RALYL: variants seen among roughly 807,000 people sequenced by gnomAD.
RALYL encodes RALY RNA binding protein like.
In RALYL, 29 loss-of-function variants were observed where a neutral mutation model predicts 35.1. The ratio of observed to expected loss-of-function variants is 0.83; its 90% confidence interval spans 0.61 to 1.13. The LOEUF (loss-of-function observed/expected upper bound fraction) is 1.13, where lower values mean the gene tolerates loss of function less well. Among genes scored for constraint, RALYL ranks in the 50% most tolerant of loss-of-function variants. The pLI is 0.00. For synonymous variants in RALYL, 120 were observed against 127.6 expected (o/e 0.94, Z 0.40); for missense variants, 359 against 360.4 (o/e 1.00, Z 0.03).
chr8:84,295,667 C>G (rs1436795812), intron 1 of RALYL, among the ~76,000 whole-genome samples: 1 of 151,982 alleles, frequency 6.6e-6, no homozygotes, highest in East Asian at 1.9e-4. Context: ...TCTCTTTTTA[C>G]TTGGACCATA....
intron 2 of RALYL, among the ~76,000 whole-genome samples, chr8:84,693,940 C>A (rs186500980): frequency 5.6e-4 from 85 of 151,778 alleles, no homozygotes; most frequent in Middle Eastern, 3.4e-3. Flanking sequence ...AAAAAGCTCT[C>A]AACAAATTAG....
At chr8:84,309,773 G>C (rs913541921) in intron 1 of RALYL, among the ~76,000 whole-genome samples, 1 of 152,140 alleles carries the variant, frequency 6.6e-6, no homozygotes, top group African/African-American at 2.4e-5. Flanking sequence ...AGAAATCTCA[G>C]AGCTAAGTGG....
chr8:84,829,884 T>C (rs1375319235), intron 4 of RALYL, among the ~76,000 whole-genome samples: 1 of 152,140 alleles, frequency 6.6e-6, no homozygotes, highest in Admixed American at 6.6e-5. Context: ...GTGTATGTTA[T>C]ATCAATATAT....
chr8:84,442,859 G>A (rs1438902028), intron 1 of RALYL, among the ~76,000 whole-genome samples: 1 of 152,070 alleles, frequency 6.6e-6, no homozygotes, highest in Non-Finnish European at 1.5e-5. Context: ...TGTTGGTCAA[G>A]GGTAAAATAT....
chr8:84,523,672 C>G (rs1324079431), intron 1 of RALYL, among the ~76,000 whole-genome samples: 1 of 120,088 alleles, frequency 8.3e-6, no homozygotes, highest in African/African-American at 3.1e-5. Context: ...CCCCTCCCCC[C>G]ACCCCACCAC....
chr8:84,200,930 G>A (rs1167459650), intron 1 of RALYL, among the ~76,000 whole-genome samples: 1 of 152,052 alleles, frequency 6.6e-6, no homozygotes, highest in Non-Finnish European at 1.5e-5. Flanking sequence ...GAATGTTTTA[G>A]TGTAGTTATC....
chr8:84,907,024 G>C (rs961473919), intron 8 of RALYL: 3 of 959,456 alleles, frequency 3.1e-6, no homozygotes, highest in Non-Finnish European at 3.7e-6. Flanking sequence ...AAGCTGGTAA[G>C]AATTCTTTTC....
intron 2 of RALYL, among the ~76,000 whole-genome samples, chr8:84,552,649 G>C (rs1321633492): frequency 6.6e-6 from 1 of 151,404 alleles, no homozygotes; most frequent in Non-Finnish European, 1.5e-5. Flanking sequence ...TAGACTCCTT[G>C]CTGTTGATCT....
At chr8:84,236,565 T>A (rs1294645672) in intron 1 of RALYL, among the ~76,000 whole-genome samples, 2 of 152,132 alleles carry the variant, frequency 1.3e-5, no homozygotes, top group African/African-American at 4.8e-5. Flanking sequence ...ACCTTATGTC[T>A]CTAGTAAAGC....
chr8:84,503,954 A>G (rs539146696), intron 1 of RALYL, among the ~76,000 whole-genome samples: 2 of 152,204 alleles, frequency 1.3e-5, no homozygotes, highest in Non-Finnish European at 2.9e-5. Flanking sequence ...TAGAAAAAAT[A>G]TAGGGATATT....
At chr8:84,728,218 T>C (rs1048910949) in intron 2 of RALYL, among the ~76,000 whole-genome samples, 6 of 152,022 alleles carry the variant, frequency 3.9e-5, no homozygotes, top group Non-Finnish European at 8.8e-5. Flanking sequence ...ATTTCTCTGA[T>C]GGCCAGTGAT....
intron 1 of RALYL, among the ~76,000 whole-genome samples, chr8:84,426,413 A>C (rs2046437566): frequency 8.5e-6 from 1 of 118,278 alleles, no homozygotes. Context: ...CCTTGTAACT[A>C]CTCTTTTGCG....
At chr8:84,290,823 G>A (rs1838636464) in intron 1 of RALYL, among the ~76,000 whole-genome samples, 1 of 152,152 alleles carries the variant, frequency 6.6e-6, no homozygotes, top group Admixed American at 6.5e-5. Flanking sequence ...GAAAGCTTCA[G>A]TGTTTCTCAG....
intron 1 of RALYL, among the ~76,000 whole-genome samples, chr8:84,319,580 C>G (rs1238203085): frequency 6.6e-6 from 1 of 152,066 alleles, no homozygotes; most frequent in Non-Finnish European, 1.5e-5. Flanking sequence ...AGATGATACG[C>G]TCAAAGAACT....
chr8:84,833,141 AT>A (rs1242759881), intron 4 of RALYL, among the ~76,000 whole-genome samples: 1 of 152,060 alleles, frequency 6.6e-6, no homozygotes, highest in Non-Finnish European at 1.5e-5. Context: ...TAATTCAATT[AT>A]TTTTTATATA....
chr8:84,390,202 A>G (rs1006709298), intron 1 of RALYL, among the ~76,000 whole-genome samples: 2 of 152,126 alleles, frequency 1.3e-5, no homozygotes, highest in African/African-American at 4.8e-5. Context: ...CCACTTGATC[A>G]TGGTGGATAA....
At chr8:84,854,404 A>C (rs1836545857) in intron 5 of RALYL, among the ~76,000 whole-genome samples, 1 of 152,182 alleles carries the variant, frequency 6.6e-6, no homozygotes, top group Non-Finnish European at 1.5e-5. Flanking sequence ...TGTATTTCTC[A>C]TATTGACATT....
intron 1 of RALYL, among the ~76,000 whole-genome samples, chr8:84,401,022 T>A (rs1297510170): frequency 6.6e-6 from 1 of 152,230 alleles, no homozygotes; most frequent in Admixed American, 6.5e-5. Flanking sequence ...AGTTTTCTGG[T>A]TGTTCATTTC....
chr8:84,533,211 G>A (rs1156237628), intron 2 of RALYL, among the ~76,000 whole-genome samples: 1 of 151,946 alleles, frequency 6.6e-6, no homozygotes, highest in Non-Finnish European at 1.5e-5. Context: ...ATTTAATTGA[G>A]TTTGAATTCT....
Sources: allele counts gnomAD v4.1 joint callset (sites outside exome capture counted in the v4.1 genomes callset), GRCh38; gene constraint gnomAD v4.1.1; transcripts MANE v1.5; gene names NCBI Gene and HGNC (gene_info 2026-07-23, HGNC 2026-07-21).